STXBP5: variants seen among roughly 807,000 people sequenced by gnomAD.
STXBP5 encodes syntaxin-binding protein 5.
A neutral mutation model predicts 152.4 loss-of-function variants in STXBP5; 50 were observed. That is an observed-to-expected ratio of 0.33 (90% CI 0.26 to 0.42). The LOEUF (loss-of-function observed/expected upper bound fraction) is 0.42. STXBP5 is among the 10% of genes least tolerant of loss of function. The pLI, the probability that STXBP5 is intolerant of heterozygous loss-of-function variation, is 1.00. For synonymous variants in STXBP5, 492 were observed against 494.7 expected (o/e 0.99, Z 0.07); for missense variants, 1,167 against 1,388.6 (o/e 0.84, Z 2.54).
chr6:147,358,184 A>G (rs1784894512), intron 22 of STXBP5, among the ~76,000 whole-genome samples: 1 of 151,702 alleles, frequency 6.6e-6, no homozygotes, highest in Admixed American at 6.6e-5. Context: ...ACTTTTATTG[A>G]TTAAAGGTTT....
At chr6:147,226,684 T>C (rs543863122) in intron 2 of STXBP5, among the ~76,000 whole-genome samples, 1 of 152,136 alleles carries the variant, frequency 6.6e-6, no homozygotes, top group Non-Finnish European at 1.5e-5. Context: ...ATTGAAAAGG[T>C]TTTTTTCCAA....
chr6:147,220,987 C>G (rs1394692007), intron 2 of STXBP5, among the ~76,000 whole-genome samples: 6 of 151,886 alleles, frequency 4.0e-5, no homozygotes, highest in African/African-American at 1.2e-4. Flanking sequence ...TTTTAATTGA[C>G]CATTTTATAT....
At chr6:147,342,507 A>G (rs954196316) in intron 21 of STXBP5, among the ~76,000 whole-genome samples, 34 of 152,332 alleles carry the variant, frequency 2.2e-4, no homozygotes, top group Middle Eastern at 3.4e-3. Context: ...CCACAAAGAA[A>G]GCTTCATGCA....
Position 147,352,623 on chromosome 6 carries a change from G to A in STXBP5, c.2255-700G>A, listed in dbSNP as rs796704011. Among the ~76,000 whole-genome samples the A allele has an allele frequency of 7.9e-5, 12 of 151,486 alleles. No individual in the cohort carries two copies. In the East Asian group the frequency reaches 1.8e-3, roughly 22 times the overall value. ...AGAATTCGCCTCAATTTAAAAAAAA[G>A]AAGAATGAACCCAGTAGCTATGAAG... On this transcript the variant is annotated intron_variant, in intron 21 of 27. Transcript: ENST00000321680.
At chr6:147,244,652 A>C (rs900231156) in intron 4 of STXBP5, among the ~76,000 whole-genome samples, 3 of 152,202 alleles carry the variant, frequency 2.0e-5, no homozygotes, top group African/African-American at 7.2e-5. Flanking sequence ...AGAATCAGTG[A>C]AATACAGTTT....
chr6:147,273,768 G>A (rs1029378624), intron 7 of STXBP5, among the ~76,000 whole-genome samples: 2 of 152,076 alleles, frequency 1.3e-5, no homozygotes, highest in South Asian at 2.1e-4. Flanking sequence ...TGGGTAACAG[G>A]GTGAAACCCC....
chr6:147,352,167 A>G (rs773967097), intron 21 of STXBP5, among the ~76,000 whole-genome samples: 19 of 152,194 alleles, frequency 1.2e-4, no homozygotes, highest in Non-Finnish European at 2.5e-4. Context: ...TGTGGTTTGC[A>G]TCTTATGTAA....
At chr6:147,347,628 C>T (rs776169888) in intron 21 of STXBP5, among the ~76,000 whole-genome samples, 39 of 152,206 alleles carry the variant, frequency 2.6e-4, no homozygotes, top group Non-Finnish European at 4.4e-4. Flanking sequence ...AAGAGGGCTA[C>T]TTTCCTGATC....
chr6:147,375,614 T>G (rs1338200257), intron 26 of STXBP5, among the ~76,000 whole-genome samples: 1 of 150,820 alleles, frequency 6.6e-6, no homozygotes, highest in East Asian at 1.9e-4. Flanking sequence ...CAAAGAAGAA[T>G]ACTTATATAT....
chr6:147,248,276 AT>A (rs1253178924), intron 4 of STXBP5, among the ~76,000 whole-genome samples: 1 of 148,264 alleles, frequency 6.7e-6, no homozygotes, highest in Non-Finnish European at 1.5e-5. Flanking sequence ...GTGAGACTCC[AT>A]CTCAAAAAAA....
In STXBP5 at chr6:147,204,464, G is replaced by C; in HGVS notation, c.-69G>C. The C allele has an allele frequency of 6.5e-7, 1 of 1,540,178 alleles. No individual in the cohort carries two copies. Among genetic ancestry groups the C allele is most frequent in the Non-Finnish European group, 8.8e-7 (1 of 1,135,980 alleles). ...GCGGTCGAAGCTGCCTTCGGCCCCG[G>C]GTGGTCTCCCCCGCCCGGGGACCCC... On this transcript the variant is annotated 5_prime_UTR_variant, in exon 1 of 28. Coordinates refer to ENST00000321680, the MANE Select transcript of STXBP5 (RefSeq NM_001127715.4). The surrounding 1 kb of genome is among the most constrained non-coding windows in gnomAD (Gnocchi z 4.3).
intron 9 of STXBP5, among the ~76,000 whole-genome samples, chr6:147,294,029 G>A (rs549727255): frequency 3.9e-5 from 6 of 152,188 alleles, no homozygotes; most frequent in Admixed American, 2.6e-4. Context: ...ATGAGATAAA[G>A]CAAATAAAAC....
chr6:147,369,302 C>G (rs755394929), intron 25 of STXBP5, among the ~76,000 whole-genome samples: 1 of 151,930 alleles, frequency 6.6e-6, no homozygotes, highest in Non-Finnish European at 1.5e-5. Flanking sequence ...ACGCTTCACA[C>G]CATATACCAA....
chr6:147,247,485 C>A (rs917734790), intron 4 of STXBP5, among the ~76,000 whole-genome samples: 2 of 152,118 alleles, frequency 1.3e-5, no homozygotes, highest in Non-Finnish European at 2.9e-5. Context: ...ATCACATATT[C>A]AAGCACAATT....
intron 9 of STXBP5, among the ~76,000 whole-genome samples, chr6:147,297,291 G>A (rs942509870): frequency 1.3e-5 from 2 of 152,136 alleles, no homozygotes; most frequent in Non-Finnish European, 2.9e-5. Flanking sequence ...GTAGAGAATG[G>A]ATGGTATAGT....
At chr6:147,246,047 C>T (rs1778796141) in intron 4 of STXBP5, among the ~76,000 whole-genome samples, 1 of 152,166 alleles carries the variant, frequency 6.6e-6, no homozygotes, top group Non-Finnish European at 1.5e-5. Flanking sequence ...GTTCCTCTTC[C>T]TTGATATTGG....
At position 147,230,497 on chromosome 6, in the gene STXBP5, T is replaced by C. The variant is rs1027273789; in HGVS notation, c.249-4753T>C. ...GTGTATGATGTTCATTTACTACAAG[T>C]TACATTTGGTCTAGTTTTATAGAAT... On this transcript the variant is annotated intron_variant, in intron 2 of 27. Coordinates refer to ENST00000321680, the MANE Select transcript of STXBP5 (RefSeq NM_001127715.4). 2.6e-5 allele frequency among the ~76,000 whole-genome samples: 4 copies of C among 152,020 alleles called. No homozygotes were observed. In the East Asian group the frequency reaches 7.7e-4, roughly 29 times the overall value.
chr6:147,326,674 A>G lies in STXBP5; in HGVS notation c.1929-451A>G, dbSNP rs552677228. 5.9e-5 allele frequency among the ~76,000 whole-genome samples: 9 copies of G among 152,310 alleles called. 1 individual carries two copies. Among genetic ancestry groups the G allele is most frequent in the African/African-American group, 2.2e-4 (9 of 41,576 alleles). On this transcript the variant is annotated intron_variant, in intron 17 of 27. Transcript: ENST00000321680. Reference sequence around the variant, plus strand: ...TTGAGAAGGTATTTAGAACACCCCAAAGGGCCTCCAAGATGTATGCTTTCT... The same window carrying G: ...TTGAGAAGGTATTTAGAACACCCCAGAGGGCCTCCAAGATGTATGCTTTCT...
intron 13 of STXBP5, 129 bp downstream of exon 13, chr6:147,314,460 T>A: frequency 7.6e-7 from 1 of 1,312,644 alleles, no homozygotes; most frequent in South Asian, 1.3e-5. Flanking sequence ...AGAAATGTTA[T>A]TCTTAAGAAC....
Sources: gnomAD v4.1 joint callset for allele counts (sites outside exome capture counted in the v4.1 genomes callset) on GRCh38, gnomAD v4.1.1 for gene constraint, Gnocchi (gnomAD v3.1) non-coding constraint, MANE v1.5 for transcripts, NCBI Gene and HGNC (gene_info 2026-07-23, HGNC 2026-07-21) for gene names.